The following MED13 variants were observed in gnomAD, a reference collection of about 807,000 sequenced individuals.
MED13 encodes mediator complex subunit 13.
Under a neutral mutation model 225.2 loss-of-function variants are expected in MED13, and 23 were observed. That is an observed-to-expected ratio of 0.10 (90% CI 0.07 to 0.14). The LOEUF (loss-of-function observed/expected upper bound fraction) is 0.14. MED13 is among the 10% of genes least tolerant of loss of function. The pLI is 1.00. For synonymous variants in MED13, 942 were observed against 889.2 expected (o/e 1.06, Z -1.06); for missense variants, 2,197 against 2,594.5 (o/e 0.85, Z 3.33).
rs752984623 is a variant in MED13, at chr17:61,966,584, G to C, written c.4259C>G (p.Ser1420Cys). ...TTCTGATAGTTTCTTTGATGCAGTA[G>C]ATCCAACTCTCATGATCCCATCTGT... ...LLTDGIMRVGSTASKKLSEKL... is the reference protein window; with the variant it reads ...LLTDGIMRVGCTASKKLSEKL... Residue 1420 changes from serine to cysteine, a missense_variant, in exon 19 of 30, where the codon TCT becomes TGT. Ser to Cys is a moderately radical substitution (Grantham distance 112). Coordinates refer to ENST00000397786, the MANE Select transcript of MED13 (RefSeq NM_005121.3). 31 of 1,613,904 alleles carry C rather than the reference G, an allele frequency of 1.9e-5. No homozygotes were observed. In the South Asian group the frequency reaches 3.3e-4, roughly 17 times the overall value.
intron 16 of MED13, among the ~76,000 whole-genome samples, chr17:61,976,259 A>G (rs1305375838): frequency 6.6e-6 from 1 of 152,248 alleles, no homozygotes; most frequent in Non-Finnish European, 1.5e-5. Context: ...TATAGCATAG[A>G]TGAACCTTGA....
intron 28 of MED13, 23 bp from the exon 29 acceptor site, chr17:61,947,040 A>G (rs1567934894): frequency 1.3e-6 from 2 of 1,533,370 alleles, no homozygotes; most frequent in East Asian, 2.2e-5. Flanking sequence ...CAGGTAATCA[A>G]TCAGTCAGCC....
chr17:61,978,858 T>C lies in MED13; in HGVS notation c.3805+3340A>G, dbSNP rs1359819867. Among the ~76,000 whole-genome samples the C allele has an allele frequency of 5.9e-5, 9 of 152,362 alleles. 1 individual carries two copies. In the South Asian group the frequency reaches 1.4e-3, roughly 25 times the overall value. On this transcript the variant is annotated intron_variant, in intron 16 of 29. Coordinates refer to ENST00000397786, the MANE Select transcript of MED13 (RefSeq NM_005121.3). ...TGAATAATTGGATAAATGCTGATAC[T>C]GTCATATACATGAACTTAATCACTG...
intron 9 of MED13, among the ~76,000 whole-genome samples, chr17:62,002,877 C>T (rs1212930477): frequency 1.3e-5 from 2 of 152,164 alleles, no homozygotes; most frequent in Non-Finnish European, 2.9e-5. Flanking sequence ...ACAAGTTATT[C>T]ATTATATTAA....
intron 21 of MED13, among the ~76,000 whole-genome samples, chr17:61,962,438 T>A (rs1027930571): frequency 6.6e-6 from 1 of 152,240 alleles, no homozygotes; most frequent in African/African-American, 2.4e-5. Flanking sequence ...TCTTGCAACC[T>A]GTCTTGTTTA....
intron 6 of MED13, chr17:62,030,663 T>G (rs767890649): frequency 7.2e-5 from 11 of 152,362 alleles, no homozygotes; most frequent in Non-Finnish European, 1.6e-4. Flanking sequence ...ATGAGCATAT[T>G]TCCCCTCCAT....
chr17:62,030,119 G>T, intron 6 of MED13, 106 bp from the exon 7 acceptor site: 1 of 1,039,994 alleles, frequency 9.6e-7, no homozygotes, highest in Non-Finnish European at 1.3e-6. Flanking sequence ...CCAGCTATCT[G>T]GTAAAATTAT....
intron 4 of MED13, among the ~76,000 whole-genome samples, 194 bp from the exon 5 acceptor site, chr17:62,034,178 A>G (rs2080782142): frequency 6.6e-6 from 1 of 152,210 alleles, no homozygotes; most frequent in South Asian, 2.1e-4. Context: ...TTTATTATAT[A>G]AACTGTTAAA....
At chr17:62,043,092 G>T (rs888519605) in intron 3 of MED13, among the ~76,000 whole-genome samples, 1 of 140,120 alleles carries the variant, frequency 7.1e-6, no homozygotes, top group Non-Finnish European at 1.5e-5. Flanking sequence ...GGAGGCAGAG[G>T]TTGGAGTGAG....
rs1340086367 is a variant in MED13, at chr17:61,982,490, A to G, written c.3513T>C (p.Ala1171=). ...CCTTTAGTCCTCCATTAACATGTTC[A>G]GCAGAGGTAGCCCTGAGAGCTTCAA... is the stretch of plus-strand genomic sequence containing the variant. ...KRFEALRATS[A]EHVNGGLKES... is the part of the protein sequence containing the mutation. Residue 1171 remains alanine (A), a synonymous_variant, in exon 16 of 30, where the codon GCT becomes GCC. Transcript: ENST00000397786. 4.3e-6 allele frequency: 7 copies of G among 1,614,246 alleles called. No homozygotes were observed. The South Asian group carries it at 7.7e-5, about 18-fold the overall frequency.
At chr17:61,999,912 GT>G (rs1361631307) in intron 9 of MED13, among the ~76,000 whole-genome samples, 1 of 151,866 alleles carries the variant, frequency 6.6e-6, no homozygotes, top group African/African-American at 2.4e-5. Context: ...AAAAAAAAAT[GT>G]TTTTAATTAG....
chr17:61,976,335 G>A (rs2080156147), intron 16 of MED13, among the ~76,000 whole-genome samples: 1 of 152,198 alleles, frequency 6.6e-6, no homozygotes, highest in Admixed American at 6.5e-5. Context: ...CGATTGATAT[G>A]CAATATCCAA....
At position 62,062,375 on chromosome 17, in the gene MED13, T is replaced by C. The variant is rs765383388; in HGVS notation, c.301+692A>G. Among the ~76,000 whole-genome samples, 313 of 152,204 alleles carry C rather than the reference T, an allele frequency of 2.1e-3. 3 individuals carry two copies. Among genetic ancestry groups the C allele is most frequent in the Non-Finnish European group, 5.9e-4 (40 of 68,030 alleles). On this transcript the variant is annotated intron_variant, in intron 2 of 29. Transcript: ENST00000397786. ...TCAAGAAAATAAGGAAGTAATCACA[T>C]TGATTTGCTCACAATAAAATTGTTT... is the stretch of plus-strand genomic sequence containing the variant.
At chr17:62,021,471 C>G (rs12939177) in intron 8 of MED13, among the ~76,000 whole-genome samples, 1 of 151,700 alleles carries the variant, frequency 6.6e-6, no homozygotes. Flanking sequence ...AGAGGGGCTC[C>G]TCACTTCCCA....
chr17:62,044,910 C>T (rs543676724), intron 3 of MED13, among the ~76,000 whole-genome samples: 80 of 152,302 alleles, frequency 5.3e-4, no homozygotes, highest in African/African-American at 1.8e-3. Context: ...GATCTGCCTG[C>T]CTTGGCCTCC....
At chr17:61,966,762 T>G (rs745439876) in intron 18 of MED13, 111 bp from the exon 19 acceptor site, 58 of 646,726 alleles carry the variant, frequency 9.0e-5, no homozygotes, top group Admixed American at 2.0e-4. Context: ...CATTTGCAAT[T>G]AACAGTTATG....
At chr17:61,985,210 G>A (rs1220350049) in intron 12 of MED13, 120 bp from the exon 13 acceptor site, 1 of 740,608 alleles carries the variant, frequency 1.4e-6, no homozygotes, top group Non-Finnish European at 2.2e-6. Flanking sequence ...TTTTGAATCT[G>A]TGATACAGCC....
chr17:61,984,600 C>T (rs1314215620), intron 14 of MED13, 51 bp downstream of exon 14: 5 of 1,466,676 alleles, frequency 3.4e-6, no homozygotes, highest in African/African-American at 2.9e-5. Context: ...CAAATTAATT[C>T]TATAAGAAAA....
At chr17:62,063,815 G>A (rs1395159130) in intron 1 of MED13, among the ~76,000 whole-genome samples, 1 of 152,154 alleles carries the variant, frequency 6.6e-6, no homozygotes, top group Non-Finnish European at 1.5e-5. Context: ...TACTCACAAA[G>A]AACTGTCAGA....
Sources: allele counts gnomAD v4.1 joint callset (sites outside exome capture counted in the v4.1 genomes callset), GRCh38; gene constraint gnomAD v4.1.1; transcripts MANE v1.5; gene names NCBI Gene and HGNC (gene_info 2026-07-23, HGNC 2026-07-21).